Variants in CHSY3 observed in about 807,000 individuals in gnomAD.
CHSY3 encodes the protein N-acetylgalactosaminyl-proteoglycan 3-beta-glucuronosyltransferase 3.
Under a neutral mutation model 67.2 loss-of-function variants are expected in CHSY3, and 35 were observed. That is an observed-to-expected ratio of 0.52 (90% CI 0.40 to 0.69). The LOEUF is 0.69. Among genes scored for constraint, CHSY3 ranks in the 30% least tolerant of loss-of-function variants. CHSY3 has a pLI of 0.00. For synonymous variants in CHSY3, 474 were observed against 434.7 expected (o/e 1.09, Z -1.12); for missense variants, 1,069 against 1,138.5 (o/e 0.94, Z 0.88).
chr5:129,907,938 G>A (rs1266806196), intron 1 of CHSY3, 139 bp from the exon 2 acceptor site: 10 of 1,412,326 alleles, frequency 7.1e-6, no homozygotes, highest in East Asian at 2.5e-5. Flanking sequence ...ATAGAGTATT[G>A]GAAGAGGCTT....
At chr5:130,160,871 C>T (rs138650811) in intron 2 of CHSY3, among the ~76,000 whole-genome samples, 3 of 151,522 alleles carry the variant, frequency 2.0e-5, no homozygotes, top group Admixed American at 6.6e-5. Flanking sequence ...ATGTAAAATA[C>T]TGATCATTTT....
chr5:129,904,252 A>G (rs1436219822), upstream of CHSY3, among the ~76,000 whole-genome samples: 7 of 143,304 alleles, frequency 4.9e-5, no homozygotes, highest in African/African-American at 1.9e-4. Flanking sequence ...TTCCTTCCGG[A>G]GAGGAGGCCG....
chr5:129,980,799 G>A (rs1344370509), intron 2 of CHSY3, among the ~76,000 whole-genome samples: 3 of 152,090 alleles, frequency 2.0e-5, no homozygotes, highest in Admixed American at 6.5e-5. Context: ...TGTGTGAAGA[G>A]GATAAGGTCT....
At chr5:130,057,971 T>C (rs1765591661) in intron 2 of CHSY3, among the ~76,000 whole-genome samples, 1 of 152,190 alleles carries the variant, frequency 6.6e-6, no homozygotes, top group African/African-American at 2.4e-5. Context: ...CTCAGATGTA[T>C]CTTTGTTTCC....
intron 2 of CHSY3, among the ~76,000 whole-genome samples, chr5:130,128,253 T>TGTGTGC (rs760472284): frequency 2.6e-4 from 40 of 151,030 alleles, no homozygotes; most frequent in East Asian, 1.4e-3. Context: ...TGTGTGTGTG[T>TGTGTGC]GCGCTCACAT....
rs147702750 is a variant in CHSY3, at chr5:130,088,065, A to C, written c.1087-96164A>C. ...ACAGAGCTCTCAGAAATAATGCCGC[A>C]TATATACAACTATCTGATCTTTGAC... On this transcript the variant is annotated intron_variant, in intron 2 of 2. Coordinates refer to ENST00000305031, the MANE Select transcript of CHSY3 (RefSeq NM_175856.5). Among the ~76,000 whole-genome samples the C allele has an allele frequency of 6.5e-3, 983 of 152,252 alleles. 7 individuals carry two copies. The highest frequency in any genetic ancestry group is 0.023 in the African/African-American group (936 of 41,518).
intron 2 of CHSY3, among the ~76,000 whole-genome samples, chr5:130,111,112 T>A (rs1767580185): frequency 6.6e-6 from 1 of 152,110 alleles, no homozygotes; most frequent in African/African-American, 2.4e-5. Context: ...GGCTCACTGA[T>A]GAGCACAGCA....
chr5:129,993,035 A>C (rs1318920022), intron 2 of CHSY3, among the ~76,000 whole-genome samples: 4 of 152,094 alleles, frequency 2.6e-5, no homozygotes, highest in Admixed American at 2.0e-4. Context: ...GGCACACAAA[A>C]CACTGTTGCA....
chr5:129,961,259 G>C (rs1762319980), intron 2 of CHSY3, among the ~76,000 whole-genome samples: 1 of 151,994 alleles, frequency 6.6e-6, no homozygotes, highest in Non-Finnish European at 1.5e-5. Context: ...AAGCAGGGAA[G>C]GTATGTAACA....
chr5:130,141,374 G>T lies in CHSY3; in HGVS notation c.1087-42855G>T, dbSNP rs377618663. The T allele has an allele frequency of 7.8e-6, 3 of 382,512 alleles. No individual in the cohort carries two copies. The East Asian group carries it at 1.9e-4, about 24-fold the overall frequency. 23.7% of individuals were successfully genotyped at this position (382,512 alleles called of 1,614,324 possible). A position where few individuals can be genotyped will look rare whatever the true frequency, so the allele number is the denominator to read the frequency against. ...TCAAGGAGAGAGTGCCATGACCAAGGACAACAACCTGCTTGTCAAGTTTGA... is the reference window on the plus strand; with the variant it reads ...TCAAGGAGAGAGTGCCATGACCAAGTACAACAACCTGCTTGTCAAGTTTGA... On this transcript the variant is annotated intron_variant, in intron 2 of 2. Coordinates refer to ENST00000305031, the MANE Select transcript of CHSY3 (RefSeq NM_175856.5).
intron 2 of CHSY3, among the ~76,000 whole-genome samples, chr5:130,039,420 G>C (rs1277457543): frequency 8.5e-6 from 1 of 118,236 alleles, no homozygotes; most frequent in African/African-American, 2.8e-5. Context: ...TGAGCCAGGA[G>C]TCCAAGGTTA....
intron 2 of CHSY3, among the ~76,000 whole-genome samples, chr5:130,020,461 A>ATATATATTTTT (rs1371121130): frequency 1.3e-5 from 1 of 79,930 alleles, no homozygotes; most frequent in Non-Finnish European, 2.2e-5. Context: ...ATATATATAT[A>ATATATATTTTT]TTTTTTTTTT....
chr5:129,975,804 T>C (rs563282852), intron 2 of CHSY3, among the ~76,000 whole-genome samples: 1 of 152,224 alleles, frequency 6.6e-6, no homozygotes, highest in South Asian at 2.1e-4. Flanking sequence ...TGTATGAAAT[T>C]TGAACTCATA....
intron 2 of CHSY3, among the ~76,000 whole-genome samples, chr5:130,086,388 C>T (rs1487671253): frequency 1.3e-5 from 2 of 151,932 alleles, no homozygotes; most frequent in Non-Finnish European, 2.9e-5. Context: ...CTCTTTTGAT[C>T]TTTGTTGGTT....
chr5:129,939,234 T>A (rs1287532017), intron 2 of CHSY3, among the ~76,000 whole-genome samples: 1 of 152,186 alleles, frequency 6.6e-6, no homozygotes, highest in Non-Finnish European at 1.5e-5. Context: ...GGGAGAAGTC[T>A]GTCTCCCCAA....
intron 2 of CHSY3, among the ~76,000 whole-genome samples, chr5:130,129,450 A>G (rs991930594): frequency 6.6e-6 from 1 of 152,272 alleles, no homozygotes; most frequent in African/African-American, 2.4e-5. Context: ...CTTCCTCTTC[A>G]TATGGCACAA....
chr5:130,128,357 G>T (rs1443938949), intron 2 of CHSY3, among the ~76,000 whole-genome samples: 1 of 151,740 alleles, frequency 6.6e-6, no homozygotes, highest in African/African-American at 2.4e-5. Flanking sequence ...AAATAAGGAA[G>T]TCCTGCCATT....
intron 2 of CHSY3, among the ~76,000 whole-genome samples, chr5:130,005,263 A>G (rs888098391): frequency 1.1e-4 from 16 of 151,958 alleles, no homozygotes; most frequent in South Asian, 2.1e-4. Flanking sequence ...AAAAATACAA[A>G]AATTAGCTGG....
At chr5:130,083,910 C>T (rs1425481011) in intron 2 of CHSY3, among the ~76,000 whole-genome samples, 2 of 151,374 alleles carry the variant, frequency 1.3e-5, no homozygotes, top group African/African-American at 4.8e-5. Context: ...TTTTTTTCCT[C>T]TTCTTCTTTA....
Sources: gnomAD v4.1 joint callset for allele counts (sites outside exome capture counted in the v4.1 genomes callset) on GRCh38, gnomAD v4.1.1 for gene constraint, MANE v1.5 for transcripts, NCBI Gene and HGNC (gene_info 2026-07-23, HGNC 2026-07-21) for gene names.